Variants in CELSR2 observed in about 807,000 individuals in gnomAD.
The protein encoded by CELSR2 is EGF-like protein 2.
CELSR2 carries 81 observed loss-of-function variants against 251.6 expected under a neutral mutation model. That is an observed-to-expected ratio of 0.32 (90% CI 0.27 to 0.39). CELSR2 has a LOEUF of 0.39. CELSR2 is among the 10% of genes least tolerant of loss of function. The pLI is 1.00. For missense variants in CELSR2, 3,365 were observed against 3,947.7 expected (o/e 0.85, Z 3.96); for synonymous variants, 1,721 against 1,670.5 (o/e 1.03, Z -0.74).
intron 17 of CELSR2, among the ~76,000 whole-genome samples, chr1:109,268,353 G>C (rs894298679): frequency 3.3e-5 from 5 of 152,366 alleles, no homozygotes; most frequent in African/African-American, 1.2e-4. Context: ...TCCAGGCACA[G>C]GGCTGGGAAG....
At position 109,271,669 on chromosome 1, in the gene CELSR2, A is replaced by G; in HGVS notation, c.7873A>G (p.Ser2625Gly). The G allele has an allele frequency of 6.2e-7, 1 of 1,614,008 alleles. No individual in the cohort carries two copies. Among genetic ancestry groups the G allele is most frequent in the Non-Finnish European group, 8.5e-7 (1 of 1,180,040 alleles). The change falls in exon 28 of 34, where the codon AGC (serine) becomes GGC (glycine). Residue 2625 changes from serine to glycine, a missense_variant. Ser to Gly is a moderately conservative substitution (Grantham distance 56, BLOSUM62 0). Transcript: ENST00000271332. ...CCGGAAAGCACTCAAGCTTGCCTGC[A>G]GCCGCAAGCCCAGCCCTGACCCTGC... ...EVRKALKLAC[S>G]RKPSPDPALT...
chr1:109,250,266 T>C lies in CELSR2; in HGVS notation c.187T>C (p.Ser63Pro). The change falls in exon 1 of 34, where the codon TCG becomes CCG. Residue 63 changes from serine (S) to proline (P), a missense_variant. By Grantham distance (74) the Ser-to-Pro change is moderately conservative (BLOSUM62 -1). Around this residue, in one of 5 missense-constraint regions of CELSR2, gnomAD observed 704 missense variants for 784.1 expected, o/e 0.90. Coordinates refer to ENST00000271332, the MANE Select transcript of CELSR2 (RefSeq NM_001408.3). The surrounding 1 kb of genome is among the most constrained non-coding windows in gnomAD (Gnocchi z 4.4). ...PMGWLCPSSA[S>P]NLWLYTSRCR... ...GGGCTGGCTCTGTCCATCCTCAGCG[T>C]CGAACCTCTGGCTCTACACCAGCCG... The C allele has an allele frequency of 6.2e-7, 1 of 1,612,370 alleles. No individual in the cohort carries two copies. Among genetic ancestry groups the C allele is most frequent in the Non-Finnish European group, 8.5e-7 (1 of 1,179,626 alleles).
intron 1 of CELSR2, among the ~76,000 whole-genome samples, chr1:109,258,217 C>T (rs1295820982): frequency 3.3e-5 from 5 of 152,060 alleles, no homozygotes; most frequent in African/African-American, 9.7e-5. Context: ...AGAGGTGTGC[C>T]GTGCATCAGC....
Position 109,262,792 on chromosome 1 carries a change from C to T in CELSR2, c.4545-14C>T. 6.2e-7 allele frequency: 1 copy of T among 1,607,026 alleles called. No homozygotes were observed. The highest frequency in any genetic ancestry group is 8.5e-7 in the Non-Finnish European group (1 of 1,175,248). On this transcript the variant is annotated splice_polypyrimidine_tract_variant and intron_variant, in intron 6 of 33. Transcript: ENST00000271332. ...CAGCCCTCCCTTGTGCCGCCACCATCTTTGCTCCCCCAGGTCTCTGGATCT... is the reference window on the plus strand; with the variant it reads ...CAGCCCTCCCTTGTGCCGCCACCATTTTTGCTCCCCCAGGTCTCTGGATCT...
intron 15 of CELSR2, 147 bp from the exon 16 acceptor site, chr1:109,267,400 AC>A: frequency 1.5e-6 from 1 of 659,962 alleles, no homozygotes. Flanking sequence ...TGTTCTACAT[AC>A]CTGTCTTCCT....
At position 109,275,139 on chromosome 1, in the gene CELSR2, T is replaced by G. The variant is rs1656493546; in HGVS notation, c.*1090T>G. ...TCTTCTTCAAAGGACCAGGTCCTGT[T>G]CCTCTTTCTCCCCGACTCCACCCCA... On this transcript the variant is annotated 3_prime_UTR_variant, in exon 34 of 34. Transcript: ENST00000271332. 1 of 152,516 alleles carries G rather than the reference T, an allele frequency of 6.6e-6. No individual in the cohort carries two copies. The highest frequency in any genetic ancestry group is 1.5e-5 in the Non-Finnish European group (1 of 68,064). 9.4% of individuals were successfully genotyped at this position (152,516 alleles called of 1,614,324 possible).
chr1:109,261,836 C>A lies in CELSR2; in HGVS notation c.4326C>A (p.Phe1442Leu), dbSNP rs371430121. Reference protein sequence around the residue: ...AGESTTTVSPFVPGGVSDGQW... With the variant: ...AGESTTTVSPLVPGGVSDGQW... Reference sequence around the variant, plus strand: ...AGTCAACCACCACGGTGTCCCCATTCGTGCCCGGAGGAGTCAGTGATGGCC... The same window carrying A: ...AGTCAACCACCACGGTGTCCCCATTAGTGCCCGGAGGAGTCAGTGATGGCC... Residue 1442 changes from phenylalanine (F) to leucine (L), a missense_variant, in exon 5 of 34, where the codon TTC (phenylalanine) becomes TTA (leucine). Physicochemically the swap from Phe to Leu is conservative, Grantham distance 22. Around this residue, in one of 5 missense-constraint regions of CELSR2, gnomAD observed 2,093 missense variants for 2,382.8 expected, o/e 0.88. Coordinates refer to ENST00000271332, the MANE Select transcript of CELSR2 (RefSeq NM_001408.3). The surrounding 1 kb of genome is among the most constrained non-coding windows in gnomAD (Gnocchi z 4.8). 33 of 1,595,086 alleles carry A rather than the reference C, an allele frequency of 2.1e-5. No homozygotes were observed. Among genetic ancestry groups the A allele is most frequent in the Non-Finnish European group, 2.7e-5 (32 of 1,169,460 alleles).
rs1325150621 is a variant in CELSR2, at chr1:109,274,245, C to CG, written c.*196_*197insG. On this transcript the variant is annotated 3_prime_UTR_variant, in exon 34 of 34. Transcript: ENST00000271332. Reference sequence around the variant, plus strand: ...CTAAGGCCATCTAGTGCCAACTCCCCCCCCACCATTCCCCTCACTGCACTT... The same window carrying CG: ...CTAAGGCCATCTAGTGCCAACTCCCCGCCCCACCATTCCCCTCACTGCACTT... 4 of 1,362,908 alleles carry CG rather than the reference C, an allele frequency of 2.9e-6. No individual in the cohort carries two copies. The highest frequency in any genetic ancestry group is 3.0e-5 in the South Asian group (2 of 67,420). 84.4% of individuals were successfully genotyped at this position (1,362,908 alleles called of 1,614,324 possible).
intron 8 of CELSR2, 144 bp from the exon 9 acceptor site, chr1:109,263,467 C>T (rs1022184908): frequency 7.9e-6 from 11 of 1,384,444 alleles, no homozygotes; most frequent in Non-Finnish European, 9.9e-6. Context: ...GTGGGGCGGT[C>T]CCAGGGCAGG....
chr1:109,272,896 C>T lies in CELSR2; in HGVS notation c.8207C>T (p.Ser2736Phe), dbSNP rs781636346. ...GACGACCAGAGTGGCTCCTATGCCT[C>T]TACCCACTCATCAGACAGTGAGGAG... ...LEDDQSGSYA[S>F]THSSDSEEEE... The change falls in exon 31 of 34, where the codon TCT becomes TTT. Residue 2736 changes from serine (S) to phenylalanine (F), a missense_variant. Transcript: ENST00000271332. The T allele has an allele frequency of 1.2e-6, 2 of 1,613,976 alleles. No individual in the cohort carries two copies. Among genetic ancestry groups the T allele is most frequent in the East Asian group, 2.2e-5 (1 of 44,874 alleles).
At position 109,265,935 on chromosome 1, in the gene CELSR2, G is replaced by A; in HGVS notation, c.5911+17G>A. 1 of 1,606,792 alleles carries A rather than the reference G, an allele frequency of 6.2e-7. No individual in the cohort carries two copies. Among genetic ancestry groups the A allele is most frequent in the Non-Finnish European group, 8.5e-7 (1 of 1,175,568 alleles). The stretch of plus-strand genomic sequence containing the variant: ...GCTGTGAAGGTGGGGCTCCTGGGAT[G>A]GGTGGGCAGCCCTCCTTACAGTGTG... On this transcript the variant is annotated intron_variant, in intron 14 of 33. Transcript: ENST00000271332.
rs763101754 is a variant in CELSR2, at chr1:109,263,102, C to T, written c.4709-40C>T. 6.9e-6 allele frequency: 11 copies of T among 1,584,102 alleles called. No individual in the cohort carries two copies. The East Asian group carries it at 2.3e-4, about 33-fold the overall frequency. On this transcript the variant is annotated intron_variant, in intron 7 of 33. Transcript: ENST00000271332. ...CTGCCACAGGCTTTCTCTTTAGAGC[C>T]CCAGCTCAGGTCCACTGAGCTGCCT...
At position 109,258,904 on chromosome 1, in the gene CELSR2, G is replaced by A. The variant is rs1366041249; in HGVS notation, c.3783G>A (p.Val1261=). 1.2e-6 allele frequency: 2 copies of A among 1,612,434 alleles called. No individual in the cohort carries two copies. The highest frequency in any genetic ancestry group is 1.7e-6 in the Non-Finnish European group (2 of 1,179,488). ...CGCCCTTCATCGCCTCCTCCTCCGTGCTCTTCCGGCCCATCCACCCCGTCG... is the reference window on the plus strand; with the variant it reads ...CGCCCTTCATCGCCTCCTCCTCCGTACTCTTCCGGCCCATCCACCCCGTCG... ...SSAPFIASSS[V]LFRPIHPVGG... is the part of the protein sequence containing the mutation. Residue 1261 remains valine (V), a synonymous_variant, in exon 2 of 34, where the codon GTG becomes GTA. Transcript: ENST00000271332.
Position 109,262,883 on chromosome 1 carries a change from A to G in CELSR2, c.4622A>G (p.Gln1541Arg). The G allele has an allele frequency of 6.2e-7, 1 of 1,613,780 alleles. No homozygotes were observed. The highest frequency in any genetic ancestry group is 1.1e-5 in the South Asian group (1 of 91,082). Residue 1541 changes from glutamine to arginine, a missense_variant, in exon 7 of 34, where the codon CAG becomes CGG. Physicochemically the swap from Gln to Arg is conservative, Grantham distance 43. Transcript: ENST00000271332. ...GAGAGCTTCCCAGTCCGAATGCGGC[A>G]GTTCGTGGGCTGCATGCGGAACCTG... ...LPESFPVRMR[Q>R]FVGCMRNLQV...
At chr1:109,264,841 G>T in intron 11 of CELSR2, 27 bp from the exon 12 acceptor site, 1 of 1,613,972 alleles carries the variant, frequency 6.2e-7, no homozygotes, top group Non-Finnish European at 8.5e-7. Context: ...GTGGGGGAAT[G>T]AGCCTCTCTG....
At chr1:109,264,416 C>G in intron 10 of CELSR2, 38 bp from the exon 11 acceptor site, 1 of 1,599,440 alleles carries the variant, frequency 6.3e-7, no homozygotes, top group Non-Finnish European at 8.6e-7. Flanking sequence ...CCTGCAGCCC[C>G]GCTCCACTGA....
chr1:109,272,640 G>C lies in CELSR2; in HGVS notation c.8055G>C (p.Arg2685Ser). 1 of 1,612,970 alleles carries C rather than the reference G, an allele frequency of 6.2e-7. No individual in the cohort carries two copies. The highest frequency in any genetic ancestry group is 2.2e-5 in the East Asian group (1 of 44,880). The change falls in exon 30 of 34, where the codon AGG (arginine) becomes AGC (serine). Residue 2685 changes from arginine (R) to serine (S), a missense_variant and splice_region_variant. Transcript: ENST00000271332. ...CTCCAGCATGGTCTCATCTTCCTAG[G>C]GAGGAGTCCGCACTGAACCCTGGCC... ...SQPSYIPFLL[R>S]EESALNPGQG...
At position 109,269,910 on chromosome 1, in the gene CELSR2, G is replaced by GC; in HGVS notation, c.7108-18dup. On this transcript the variant is annotated intron_variant, in intron 22 of 33. Coordinates refer to ENST00000271332, the MANE Select transcript of CELSR2 (RefSeq NM_001408.3). The surrounding 1 kb of genome is among the most constrained non-coding windows in gnomAD (Gnocchi z 6.4). ...AGGTCCTGCCCTTCCTAATTCCCTG[G>GC]CCCCCTGCCACCTACTCTGCAGAAT... The GC allele has an allele frequency of 6.2e-7, 1 of 1,613,986 alleles. No individual in the cohort carries two copies.
In CELSR2 at chr1:109,264,082, G is replaced by T; in HGVS notation, c.5006G>T (p.Arg1669Leu). The change falls in exon 10 of 34, where the codon CGA becomes CTA. Residue 1669 changes from arginine (R) to leucine (L), a missense_variant. Transcript: ENST00000271332. ...TTTCTTTCCTCCTGGTGTCAGCTAC[G>T]AGAGGGCCACGTGATGCTGAGCGTG... Reference protein sequence around the residue: ...RGRSTITLQLREGHVMLSVEG... With the variant: ...RGRSTITLQLLEGHVMLSVEG... 1 of 1,574,756 alleles carries T rather than the reference G, an allele frequency of 6.4e-7. No homozygotes were observed. The highest frequency in any genetic ancestry group is 8.7e-7 in the Non-Finnish European group (1 of 1,154,626).
Sources: allele counts gnomAD v4.1 joint callset (sites outside exome capture counted in the v4.1 genomes callset), GRCh38; gene constraint gnomAD v4.1.1; regional missense constraint gnomAD v4.1.1; non-coding constraint Gnocchi (gnomAD v3.1); transcripts MANE v1.5; gene names NCBI Gene and HGNC (gene_info 2026-07-23, HGNC 2026-07-21).